The following RAB3GAP1 variants were observed in gnomAD, a reference collection of about 807,000 sequenced individuals.
The protein encoded by RAB3GAP1 is rab3 GTPase-activating protein catalytic subunit.
A neutral mutation model predicts 130.7 loss-of-function variants in RAB3GAP1; 86 were observed. The ratio of observed to expected loss-of-function variants is 0.66; its 90% CI spans 0.55 to 0.79. RAB3GAP1 has a LOEUF of 0.79. Among genes scored for constraint, RAB3GAP1 ranks in the 30% least tolerant of loss-of-function variants. The pLI is 0.00. For missense variants in RAB3GAP1, 1,029 were observed against 1,169.4 expected, an observed-to-expected ratio of 0.88 and a Z score of 1.75; for synonymous variants, 367 against 401.7, an observed-to-expected ratio of 0.91 and a Z score of 1.03.
intron 17 of RAB3GAP1, among the ~76,000 whole-genome samples, chr2:135,144,810 T>G (rs1311090195): frequency 2.0e-5 from 3 of 152,228 alleles, no homozygotes; most frequent in African/African-American, 7.2e-5. Context: ...GATTCTTTTC[T>G]TGTAAAGAAA....
intron 2 of RAB3GAP1, among the ~76,000 whole-genome samples, chr2:135,056,386 A>G (rs1689013055): frequency 6.6e-6 from 1 of 151,660 alleles, no homozygotes; most frequent in Non-Finnish European, 1.5e-5. Flanking sequence ...TTGTATTTTC[A>G]GTAGAGACGG....
intron 3 of RAB3GAP1, among the ~76,000 whole-genome samples, chr2:135,063,799 T>C (rs1689244578): frequency 6.6e-6 from 1 of 152,238 alleles, no homozygotes; most frequent in Non-Finnish European, 1.5e-5. Flanking sequence ...TACAAATATC[T>C]GTCAGGTTCC....
intron 3 of RAB3GAP1, among the ~76,000 whole-genome samples, chr2:135,071,999 A>G (rs1200580865): frequency 6.6e-6 from 1 of 151,914 alleles, no homozygotes; most frequent in Non-Finnish European, 1.5e-5. Flanking sequence ...TGCAACCTCC[A>G]TCTCCAGGGT....
At chr2:135,166,882 G>C (rs1692670338) in intron 23 of RAB3GAP1, among the ~76,000 whole-genome samples, 1 of 151,954 alleles carries the variant, frequency 6.6e-6, no homozygotes, top group African/African-American at 2.4e-5. Flanking sequence ...CCCCCTTAAT[G>C]GCTACTGAAA....
intron 3 of RAB3GAP1, among the ~76,000 whole-genome samples, chr2:135,065,871 A>G (rs1689307016): frequency 1.4e-5 from 2 of 147,088 alleles, no homozygotes; most frequent in Non-Finnish European, 3.0e-5. Flanking sequence ...CCCAGGTTCG[A>G]GTGATTCTCC....
intron 19 of RAB3GAP1, among the ~76,000 whole-genome samples, chr2:135,154,716 T>A (rs1692262626): frequency 6.6e-6 from 1 of 152,094 alleles, no homozygotes; most frequent in African/African-American, 2.4e-5. Flanking sequence ...TCACAGCACT[T>A]GCCACAGGGA....
chr2:135,151,558 C>A (rs1222357833), intron 18 of RAB3GAP1, among the ~76,000 whole-genome samples: 1 of 152,170 alleles, frequency 6.6e-6, no homozygotes, highest in African/African-American at 2.4e-5. Flanking sequence ...CTTTAGTGAA[C>A]CTCTTAAGAG....
rs532964185 is a variant in RAB3GAP1 at position 135,130,060 on chromosome 2, C to T, written c.1039C>T (p.Arg347Ter). ...GGAGTCAACTGATGAGATTCTTGGA[C>T]GATCTGCATTTGAGGAAGAAGGCAA... ...RKESTDEILG[R>*]SAFEEEGKET... Residue 347 changes from arginine to a stop codon, truncating the protein, a stop_gained, in exon 12 of 24, where the codon CGA becomes TGA. Transcript: ENST00000264158. LOFTEE classifies it high-confidence loss of function. 33 of 1,612,304 alleles carry T rather than the reference C, an allele frequency of 2.0e-5. No individual in the cohort carries two copies. The highest frequency in any genetic ancestry group is 2.2e-5 in the East Asian group (1 of 44,774).
rs6729072 is a variant in RAB3GAP1, at chr2:135,130,508, G to T, written c.1067-44G>T. The T allele has an allele frequency of 0.035, 52,817 of 1,494,796 alleles. 4,308 individuals carry two copies. The highest frequency in any genetic ancestry group is 0.32 in the African/African-American group (23,101 of 71,972). The allele number at this position is 1,494,796 out of a possible 1,614,324, so 92.6% of individuals were successfully genotyped here. On this transcript the variant is annotated intron_variant, in intron 12 of 23. Transcript: ENST00000264158. ...AATTTGTTCATCACTTTCACCTGCT[G>T]AGGTTGGTGATATAATTTATATTTA...
In RAB3GAP1 at chr2:135,169,953, G is replaced by A. The variant is rs1034482676; in HGVS notation, c.*1172G>A. 1 of 260,974 alleles carries A rather than the reference G, an allele frequency of 3.8e-6. No individual in the cohort carries two copies. Among genetic ancestry groups the A allele is most frequent in the Non-Finnish European group, 7.6e-6 (1 of 131,802 alleles). 16.2% of individuals were successfully genotyped at this position (260,974 alleles called of 1,614,324 possible). A position where few individuals can be genotyped will look rare whatever the true frequency, so the allele number is the denominator to read the frequency against. On this transcript the variant is annotated 3_prime_UTR_variant, in exon 24 of 24. Transcript: ENST00000264158. ...GTAATTTTAAAAAATTAATAGAGCT[G>A]TGCAAACCCTGTTATTTTTGTAAAA...
intron 7 of RAB3GAP1, among the ~76,000 whole-genome samples, chr2:135,119,041 A>G (rs976236981): frequency 6.6e-6 from 1 of 151,646 alleles, no homozygotes; most frequent in Non-Finnish European, 1.5e-5. Context: ...AGATATTTCC[A>G]TCATTTTTCA....
At chr2:135,058,325 A>AT in intron 3 of RAB3GAP1, 1 of 296,960 alleles carries the variant, frequency 3.4e-6, no homozygotes, top group Non-Finnish European at 6.1e-6. Flanking sequence ...ATATATATAT[A>AT]AAATGTCATT....
intron 3 of RAB3GAP1, among the ~76,000 whole-genome samples, chr2:135,079,102 C>T (rs1689713400): frequency 6.6e-6 from 1 of 152,114 alleles, no homozygotes; most frequent in African/African-American, 2.4e-5. Flanking sequence ...ATCTCTTGAC[C>T]TTATGATCTG....
chr2:135,174,620 C>T (rs1692954796), downstream of RAB3GAP1, among the ~76,000 whole-genome samples: 1 of 152,230 alleles, frequency 6.6e-6, no homozygotes, highest in South Asian at 2.1e-4. Context: ...CTTGTCCATG[C>T]TGTTTGTTCA....
At chr2:135,148,803 C>T (rs1056242650) in intron 17 of RAB3GAP1, among the ~76,000 whole-genome samples, 20 of 151,690 alleles carry the variant, frequency 1.3e-4, no homozygotes, top group African/African-American at 4.8e-4. Context: ...TGAGCCATCA[C>T]GCCCAGCCTC....
intron 11 of RAB3GAP1, among the ~76,000 whole-genome samples, 189 bp from the exon 12 acceptor site, chr2:135,129,806 G>C (rs1315719757): frequency 6.6e-6 from 1 of 152,110 alleles, no homozygotes; most frequent in Non-Finnish European, 1.5e-5. Context: ...GGGACATGGA[G>C]AGAAAGAAAA....
At chr2:135,129,280 G>A (rs939115304) in intron 11 of RAB3GAP1, among the ~76,000 whole-genome samples, 4 of 151,666 alleles carry the variant, frequency 2.6e-5, no homozygotes, top group African/African-American at 4.8e-5. Flanking sequence ...GTGAAACCCC[G>A]TCTCTACTAA....
chr2:135,164,586 T>G lies in RAB3GAP1; in HGVS notation c.2607-8T>G, dbSNP rs371589914. 3 of 1,601,360 alleles carry G rather than the reference T, an allele frequency of 1.9e-6. No individual in the cohort carries two copies. The highest frequency in any genetic ancestry group is 1.7e-5 in the Admixed American group (1 of 59,954). On this transcript the variant is annotated splice_region_variant and splice_polypyrimidine_tract_variant and intron_variant, in intron 22 of 23. Coordinates refer to ENST00000264158, the MANE Select transcript of RAB3GAP1 (RefSeq NM_012233.3). ...TCCACCCTTTCATTGCCTGTCTCTG[T>G]CTCCTAGGTTTGTGAGTTGCCTGCT...
In RAB3GAP1 at chr2:135,057,953, A is replaced by G. The variant is rs1689060947; in HGVS notation, c.75-58A>G. The G allele has an allele frequency of 4.9e-6, 6 of 1,212,588 alleles. No homozygotes were observed. In the East Asian group the frequency reaches 7.4e-5, roughly 15 times the overall value. The allele number at this position is 1,212,588 out of a possible 1,614,324, so 75.1% of individuals were successfully genotyped here. On this transcript the variant is annotated intron_variant, in intron 2 of 23. Coordinates refer to ENST00000264158, the MANE Select transcript of RAB3GAP1 (RefSeq NM_012233.3). ...AAAAATACCTTTTTAAAGAAATTAC[A>G]TAATAATAGGAAAAAAGGTGTGCTG...
Sources: allele counts gnomAD v4.1 joint callset (sites outside exome capture counted in the v4.1 genomes callset), GRCh38; gene constraint gnomAD v4.1.1; transcripts MANE v1.5; gene names NCBI Gene and HGNC (gene_info 2026-07-23, HGNC 2026-07-21).